The following G3BP2 variants were observed in gnomAD, a reference collection of about 807,000 sequenced individuals.
G3BP2 encodes G3BP stress granule assembly factor 2, also known as ras GTPase-activating protein-binding protein 2.
Under a neutral mutation model 56.7 loss-of-function variants are expected in G3BP2, and 11 were observed. The observed-to-expected ratio is 0.19, with a 90% confidence interval of 0.12 to 0.32. The LOEUF (loss-of-function observed/expected upper bound fraction) is 0.32, where lower values mean the gene tolerates loss of function less well. G3BP2 is among the 10% of genes least tolerant of loss of function. G3BP2 has a pLI of 1.00. For synonymous variants in G3BP2, 165 were observed against 191.6 expected, an observed-to-expected ratio of 0.86 and a Z score of 1.15; for missense variants, 340 against 610.9, an observed-to-expected ratio of 0.56 and a Z score of 4.67.
At chr4:75,678,515 A>C (rs1442188389) in intron 3 of G3BP2, among the ~76,000 whole-genome samples, 1 of 152,260 alleles carries the variant, frequency 6.6e-6, no homozygotes, top group East Asian at 1.9e-4. Context: ...TGTCAACAGC[A>C]TAGTATTTAA....
rs1731436775 is a variant in G3BP2 at position 75,648,755 on chromosome 4, A to G, written c.826-14T>C. On this transcript the variant is annotated splice_polypyrimidine_tract_variant and intron_variant, in intron 8 of 11. Coordinates refer to ENST00000359707, the MANE Select transcript of G3BP2 (RefSeq NM_203505.3). ...TTCGACTCTTGGCTAAAATATAAAGAAAAAAAAACATTATAAAAAACACTC... is the reference window on the plus strand; with the variant it reads ...TTCGACTCTTGGCTAAAATATAAAGGAAAAAAAACATTATAAAAAACACTC... The G allele has an allele frequency of 3.3e-6, 5 of 1,515,526 alleles. No individual in the cohort carries two copies. Among genetic ancestry groups the G allele is most frequent in the East Asian group, 2.3e-5 (1 of 44,116 alleles). 93.9% of individuals were successfully genotyped at this position (1,515,526 alleles called of 1,614,324 possible).
At chr4:75,715,452 C>T (rs1426019365) in intron 3 of G3BP2, among the ~76,000 whole-genome samples, 1 of 152,204 alleles carries the variant, frequency 6.6e-6, no homozygotes, top group Admixed American at 6.5e-5. Context: ...CCATCAGCTC[C>T]TGCAACTCAT....
chr4:75,702,658 A>T (rs1267669998), intron 3 of G3BP2, among the ~76,000 whole-genome samples: 1 of 152,220 alleles, frequency 6.6e-6, no homozygotes, highest in African/African-American at 2.4e-5. Context: ...TTACATTAGC[A>T]TCACTATTTG....
At chr4:75,657,855 C>CG (rs1163603553) in intron 3 of G3BP2, 125 bp from the exon 4 acceptor site, 1 of 614,430 alleles carries the variant, frequency 1.6e-6, no homozygotes, top group Admixed American at 3.2e-5. Context: ...TGAACTGAAT[C>CG]CAACGACCAT....
intron 3 of G3BP2, among the ~76,000 whole-genome samples, chr4:75,699,238 A>C (rs1336500338): frequency 6.6e-6 from 1 of 152,176 alleles, no homozygotes; most frequent in Non-Finnish European, 1.5e-5. Flanking sequence ...AATTCCTCCT[A>C]CAATATCCCT....
chr4:75,709,583 G>A (rs1159863905), intron 3 of G3BP2, among the ~76,000 whole-genome samples: 1 of 152,088 alleles, frequency 6.6e-6, no homozygotes, highest in Non-Finnish European at 1.5e-5. Flanking sequence ...CTGCACTCCA[G>A]CCTGGGCAAC....
At chr4:75,667,116 G>T (rs890281904) in intron 1 of G3BP2, among the ~76,000 whole-genome samples, 30 of 151,956 alleles carry the variant, frequency 2.0e-4, no homozygotes, top group African/African-American at 7.2e-4. Flanking sequence ...GCAAAACCCC[G>T]TCTCTACTAA....
intron 1 of G3BP2, 149 bp from the exon 2 acceptor site, chr4:75,662,198 T>C (rs1418293362): frequency 4.4e-5 from 23 of 518,578 alleles, no homozygotes; most frequent in South Asian, 3.0e-4. Context: ...GATAACCCAC[T>C]ACCATCAGAC....
chr4:75,655,309 C>T, intron 6 of G3BP2, 63 bp from the exon 7 acceptor site: 1 of 1,214,622 alleles, frequency 8.2e-7, no homozygotes, highest in Non-Finnish European at 1.2e-6. Flanking sequence ...TTCAATTTCT[C>T]TCTAATCCAA....
chr4:75,677,493 C>G (rs1029410600), upstream of G3BP2, among the ~76,000 whole-genome samples: 5 of 152,044 alleles, frequency 3.3e-5, no homozygotes, highest in African/African-American at 1.2e-4. Flanking sequence ...ATCACTTGAA[C>G]CCAGGAGGCG....
chr4:75,670,631 T>C (rs1164406720), intron 1 of G3BP2, among the ~76,000 whole-genome samples: 1 of 152,236 alleles, frequency 6.6e-6, no homozygotes, highest in Non-Finnish European at 1.5e-5. Flanking sequence ...GTATTTATAC[T>C]ATGTTTTAAA....
At chr4:75,656,369 G>T (rs1469035271) in intron 5 of G3BP2, among the ~76,000 whole-genome samples, 1 of 151,824 alleles carries the variant, frequency 6.6e-6, no homozygotes, top group African/African-American at 2.4e-5. Context: ...GAGCAAGGAT[G>T]AAGTTTAATA....
At chr4:75,648,239 T>C (rs1487051925) in intron 9 of G3BP2, among the ~76,000 whole-genome samples, 1 of 151,688 alleles carries the variant, frequency 6.6e-6, no homozygotes, top group Non-Finnish European at 1.5e-5. Flanking sequence ...TCCCAGCTAC[T>C]TGGGAGGCTG....
intron 3 of G3BP2, among the ~76,000 whole-genome samples, chr4:75,697,948 A>AC (rs1719190411): frequency 6.8e-6 from 1 of 147,998 alleles, no homozygotes; most frequent in South Asian, 2.1e-4. Context: ...AAACAAACAA[A>AC]AAACACAAAA....
At chr4:75,667,918 AG>A (rs1372863337) in intron 1 of G3BP2, among the ~76,000 whole-genome samples, 1 of 152,174 alleles carries the variant, frequency 6.6e-6, no homozygotes, top group Non-Finnish European at 1.5e-5. Context: ...AACATTATCC[AG>A]TATAGTTTAG....
chr4:75,673,613 C>G, upstream of G3BP2: 1 of 1,231,408 alleles, frequency 8.1e-7, no homozygotes, highest in Non-Finnish European at 1.0e-6. Flanking sequence ...CGGAACCGGC[C>G]TAAAGCCAAG....
chr4:75,703,059 C>A (rs1319649671), intron 3 of G3BP2, among the ~76,000 whole-genome samples: 1 of 152,150 alleles, frequency 6.6e-6, no homozygotes, highest in Non-Finnish European at 1.5e-5. Flanking sequence ...TGTTGCGATG[C>A]TAAGTAGGCA....
intron 1 of G3BP2, among the ~76,000 whole-genome samples, chr4:75,664,402 C>A (rs1732827112): frequency 6.6e-6 from 1 of 151,570 alleles, no homozygotes; most frequent in Non-Finnish European, 1.5e-5. Context: ...AATGGTAAAA[C>A]CCCTTCTCTA....
chr4:75,680,748 C>T (rs917301890), intron 3 of G3BP2, among the ~76,000 whole-genome samples: 22 of 151,988 alleles, frequency 1.4e-4, no homozygotes, highest in Admixed American at 3.3e-4. Context: ...GGGCGGATCG[C>T]GAGGTCAAGA....
Sources: gnomAD v4.1 joint callset for allele counts (sites outside exome capture counted in the v4.1 genomes callset) on GRCh38, gnomAD v4.1.1 for gene constraint, MANE v1.5 for transcripts, NCBI Gene and HGNC (gene_info 2026-07-23, HGNC 2026-07-21) for gene names.